The following DYNC1I1 variants were observed in gnomAD, a reference collection of about 807,000 sequenced individuals.
DYNC1I1 encodes cytoplasmic dynein 1 intermediate chain 1.
Under a neutral mutation model 86.6 loss-of-function variants are expected in DYNC1I1, and 43 were observed. That is an observed-to-expected ratio of 0.50 (90% CI 0.39 to 0.64). The LOEUF (loss-of-function observed/expected upper bound fraction) is 0.64. Ranked by LOEUF, DYNC1I1 falls within the 30% of genes least tolerant of loss-of-function variation. DYNC1I1 has a pLI of 0.00. For synonymous variants in DYNC1I1, 262 were observed against 283.7 expected, an observed-to-expected ratio of 0.92 and a Z score of 0.77; for missense variants, 604 against 788.8, an observed-to-expected ratio of 0.77 and a Z score of 2.81.
At chr7:96,019,509 G>A (rs565789922) in intron 10 of DYNC1I1, among the ~76,000 whole-genome samples, 1 of 152,114 alleles carries the variant, frequency 6.6e-6, no homozygotes, top group Non-Finnish European at 1.5e-5. Flanking sequence ...GATGTGGCCT[G>A]AGCATTTGAG....
intron 6 of DYNC1I1, among the ~76,000 whole-genome samples, chr7:95,888,432 G>A (rs1790653330): frequency 6.6e-6 from 1 of 152,116 alleles, no homozygotes; most frequent in Non-Finnish European, 1.5e-5. Context: ...GTGAGACCCT[G>A]TCTTTAAAAA....
At position 96,053,663 on chromosome 7, in the gene DYNC1I1, A is replaced by G. The variant is rs868198488; in HGVS notation, c.1509+14242A>G. Among the ~76,000 whole-genome samples the G allele has an allele frequency of 1.3e-5, 2 of 152,132 alleles. 1 individual carries two copies. The highest frequency in any genetic ancestry group is 4.1e-4 in the South Asian group (2 of 4,834). On this transcript the variant is annotated intron_variant, in intron 14 of 16. Coordinates refer to ENST00000447467, the MANE Select transcript of DYNC1I1 (RefSeq NM_001135556.2). ...AGATCTCAGGAAAGTATGTGTAGGC[A>G]TATCTAGGTATATTTTAATATTTCT...
At chr7:95,773,752 A>T (rs573521386) in intron 1 of DYNC1I1, among the ~76,000 whole-genome samples, 1 of 152,304 alleles carries the variant, frequency 6.6e-6, no homozygotes, top group African/African-American at 2.4e-5. Context: ...AATATTCCAG[A>T]TTAGCAAAAA....
intron 14 of DYNC1I1, among the ~76,000 whole-genome samples, chr7:96,060,856 G>T (rs917071713): frequency 6.6e-6 from 1 of 151,928 alleles, no homozygotes; most frequent in African/African-American, 2.4e-5. Context: ...TGACGCTTCA[G>T]TAATGAAGGA....
chr7:95,979,325 T>G (rs977186767), intron 7 of DYNC1I1, among the ~76,000 whole-genome samples: 1 of 152,154 alleles, frequency 6.6e-6, no homozygotes, highest in Non-Finnish European at 1.5e-5. Flanking sequence ...TAGTTTAACC[T>G]TTTTTTGCCT....
downstream of DYNC1I1, among the ~76,000 whole-genome samples, chr7:96,102,278 C>T (rs556586608): frequency 6.6e-6 from 1 of 152,188 alleles, no homozygotes; most frequent in East Asian, 1.9e-4. Flanking sequence ...TGAGCATCCA[C>T]AGAATGTTAC....
At chr7:95,908,483 A>G (rs770636400) in intron 6 of DYNC1I1, among the ~76,000 whole-genome samples, 80 of 152,212 alleles carry the variant, frequency 5.3e-4, no homozygotes, top group Non-Finnish European at 9.9e-4. Context: ...GTAATAATAA[A>G]AAAAGTGAAT....
chr7:95,831,130 G>T (rs1788882394), intron 5 of DYNC1I1, among the ~76,000 whole-genome samples: 1 of 152,006 alleles, frequency 6.6e-6, no homozygotes, highest in Non-Finnish European at 1.5e-5. Context: ...AATGCTTTAT[G>T]GGGTATATAA....
At chr7:96,036,044 T>C (rs1260621055) in intron 13 of DYNC1I1, among the ~76,000 whole-genome samples, 1 of 152,210 alleles carries the variant, frequency 6.6e-6, no homozygotes, top group Non-Finnish European at 1.5e-5. Flanking sequence ...TCTAGCCATG[T>C]GCCCATCAGA....
chr7:96,051,622 T>C (rs1173104532), intron 14 of DYNC1I1, among the ~76,000 whole-genome samples: 1 of 152,222 alleles, frequency 6.6e-6, no homozygotes, highest in Non-Finnish European at 1.5e-5. Flanking sequence ...GACTCTGCTC[T>C]GAGAATAAAA....
At chr7:95,790,667 G>A (rs899162814) in intron 1 of DYNC1I1, among the ~76,000 whole-genome samples, 5 of 152,172 alleles carry the variant, frequency 3.3e-5, no homozygotes, top group African/African-American at 1.2e-4. Flanking sequence ...TGACTATGGC[G>A]AAGAAAGAAT....
chr7:95,838,453 A>G (rs994197876), intron 5 of DYNC1I1, among the ~76,000 whole-genome samples: 1 of 152,220 alleles, frequency 6.6e-6, no homozygotes, highest in Non-Finnish European at 1.5e-5. Flanking sequence ...GTTTTGTAGT[A>G]TAATTTGAAA....
intron 1 of DYNC1I1, among the ~76,000 whole-genome samples, chr7:95,795,893 T>C (rs540208616): frequency 6.6e-6 from 1 of 151,794 alleles, no homozygotes; most frequent in African/African-American, 2.4e-5. Context: ...AAATAAAAGT[T>C]AAATTTAAAA....
At chr7:96,105,945 C>T (rs1192291605) in intron 16 of DYNC1I1, among the ~76,000 whole-genome samples, 1 of 152,098 alleles carries the variant, frequency 6.6e-6, no homozygotes, top group Non-Finnish European at 1.5e-5. Context: ...TAAAGTTGTT[C>T]ATACTATTCT....
intron 6 of DYNC1I1, among the ~76,000 whole-genome samples, chr7:95,879,615 A>C (rs1351395175): frequency 2.0e-5 from 3 of 152,210 alleles, no homozygotes; most frequent in Non-Finnish European, 4.4e-5. Flanking sequence ...AGACACGGAA[A>C]TGAGGGCAGG....
At chr7:95,941,707 C>T (rs1234467089) in intron 6 of DYNC1I1, among the ~76,000 whole-genome samples, 3 of 152,222 alleles carry the variant, frequency 2.0e-5, no homozygotes, top group Non-Finnish European at 2.9e-5. Flanking sequence ...CCATCTGTCA[C>T]CCCTTTCTTT....
intron 6 of DYNC1I1, among the ~76,000 whole-genome samples, chr7:95,905,615 A>G (rs1474285009): frequency 6.6e-6 from 1 of 151,568 alleles, no homozygotes; most frequent in East Asian, 1.9e-4. Flanking sequence ...CCTCCATTTT[A>G]TTGCATGAGA....
intron 5 of DYNC1I1, among the ~76,000 whole-genome samples, chr7:95,862,264 GC>G (rs753761325): frequency 5.9e-5 from 9 of 151,864 alleles, no homozygotes; most frequent in Non-Finnish European, 1.0e-4. Context: ...TAAAAAGGCA[GC>G]CCACAGAATG....
intron 1 of DYNC1I1, among the ~76,000 whole-genome samples, chr7:95,795,607 G>A (rs1794415314): frequency 6.6e-6 from 1 of 152,160 alleles, no homozygotes; most frequent in Non-Finnish European, 1.5e-5. Flanking sequence ...GGAGCTGGAG[G>A]CCATTATCCT....
Sources: allele counts gnomAD v4.1 joint callset (sites outside exome capture counted in the v4.1 genomes callset), GRCh38; gene constraint gnomAD v4.1.1; transcripts MANE v1.5; gene names NCBI Gene and HGNC (gene_info 2026-07-23, HGNC 2026-07-21).